Variants in GALNT2 observed in about 807,000 individuals in gnomAD.
The protein encoded by GALNT2 is polypeptide N-acetylgalactosaminyltransferase 2.
In GALNT2, 31 loss-of-function variants were observed where a neutral mutation model predicts 81.4. That is an observed-to-expected ratio of 0.38 (90% CI 0.29 to 0.51). GALNT2 has a LOEUF of 0.51. GALNT2 is among the 20% of genes least tolerant of loss of function. The pLI, the probability that GALNT2 is intolerant of heterozygous loss-of-function variation, is 0.87. For missense variants in GALNT2, 629 were observed against 765.7 expected, an observed-to-expected ratio of 0.82 and a Z score of 2.11; for synonymous variants, 303 against 287.4, an observed-to-expected ratio of 1.05 and a Z score of -0.55.
At chr1:230,278,465 C>G (rs1202436254) in intron 15 of GALNT2, among the ~76,000 whole-genome samples, 2 of 152,046 alleles carry the variant, frequency 1.3e-5, no homozygotes, top group Non-Finnish European at 2.9e-5. Flanking sequence ...CAGGGCTCCT[C>G]AGATTTCCTT....
At chr1:230,265,418 T>G (rs1032371950) in intron 14 of GALNT2, 51 bp downstream of exon 14, 2 of 1,611,070 alleles carry the variant, frequency 1.2e-6, no homozygotes, top group African/African-American at 1.3e-5. Context: ...AGAGCAGGAG[T>G]TGGGGGGGTC....
intron 3 of GALNT2, among the ~76,000 whole-genome samples, chr1:230,219,861 G>A (rs563655995): frequency 3.0e-4 from 45 of 152,182 alleles, no homozygotes; most frequent in Non-Finnish European, 6.0e-4. Flanking sequence ...CCTGCCATGG[G>A]ATTGCTGCCC....
intron 3 of GALNT2, among the ~76,000 whole-genome samples, chr1:230,207,090 T>C (rs1052424942): frequency 6.6e-6 from 1 of 152,046 alleles, no homozygotes; most frequent in Non-Finnish European, 1.5e-5. Context: ...AGTTATTGTA[T>C]CCAGGGTTGT....
chr1:230,224,547 C>G (rs1253694440), intron 3 of GALNT2, among the ~76,000 whole-genome samples: 1 of 152,176 alleles, frequency 6.6e-6, no homozygotes, highest in Non-Finnish European at 1.5e-5. Context: ...AAATGGTGCT[C>G]TTTGAATGAA....
intron 1 of GALNT2, among the ~76,000 whole-genome samples, chr1:230,081,086 C>T (rs1366570962): frequency 6.6e-6 from 1 of 152,174 alleles, no homozygotes; most frequent in African/African-American, 2.4e-5. Context: ...CTCGAAAGCG[C>T]CTCCAGCCTC....
At chr1:230,075,140 T>TTTTTTTTTTG (rs1399602658) in intron 1 of GALNT2, among the ~76,000 whole-genome samples, 18 of 145,338 alleles carry the variant, frequency 1.2e-4, no homozygotes, top group African/African-American at 4.7e-4. Context: ...TTTTTTTTTT[T>TTTTTTTTTTG]TTTGAGACAA....
Position 230,077,806 on chromosome 1 carries a change from C to A in GALNT2, c.126+10400C>A, listed in dbSNP as rs955281606. Among the ~76,000 whole-genome samples the A allele has an allele frequency of 7.9e-5, 12 of 152,328 alleles. No individual in the cohort carries two copies. In the South Asian group the frequency reaches 8.3e-4, roughly 11 times the overall value. On this transcript the variant is annotated intron_variant, in intron 1 of 15. Transcript: ENST00000366672. ...CATTGGTTCTGGACTTTGAAGACAG[C>A]TTGGCAATGAAGTCGAGGTAGCCAG...
chr1:230,211,110 A>G (rs970052186), intron 3 of GALNT2, among the ~76,000 whole-genome samples: 3 of 152,188 alleles, frequency 2.0e-5, no homozygotes, highest in African/African-American at 7.2e-5. Flanking sequence ...CTTTGTCCTT[A>G]TGTTGTACTT....
At chr1:230,278,780 T>G (rs564395288) in intron 15 of GALNT2, among the ~76,000 whole-genome samples, 1 of 152,296 alleles carries the variant, frequency 6.6e-6, no homozygotes, top group Admixed American at 6.5e-5. Context: ...TTCCTGACAT[T>G]TGGCCTGACA....
rs1020874730 is a variant in GALNT2 at position 230,182,044 on chromosome 1, C to T, written c.220+3733C>T. ...GGGAATAGAGTTGTTCATACTATTCCGTATTGTCCTTTTCATATCCATGGG... is the reference window on the plus strand; with the variant it reads ...GGGAATAGAGTTGTTCATACTATTCTGTATTGTCCTTTTCATATCCATGGG... On this transcript the variant is annotated intron_variant, in intron 2 of 15. Transcript: ENST00000366672. Among the ~76,000 whole-genome samples, 5 of 152,088 alleles carry T rather than the reference C, an allele frequency of 3.3e-5. No individual in the cohort carries two copies. The East Asian group carries it at 7.7e-4, about 23-fold the overall frequency.
At chr1:230,092,185 T>G (rs10664368) in intron 1 of GALNT2, among the ~76,000 whole-genome samples, 10 of 114,278 alleles carry the variant, frequency 8.8e-5, no homozygotes, top group South Asian at 6.0e-4. Flanking sequence ...AGTTTTTTTT[T>G]TTTTTTTTTT....
chr1:230,098,799 G>A (rs1227751437), intron 1 of GALNT2, among the ~76,000 whole-genome samples: 1 of 152,146 alleles, frequency 6.6e-6, no homozygotes, highest in Non-Finnish European at 1.5e-5. Flanking sequence ...AGAAGCCAAC[G>A]TGGCAGATTA....
At chr1:230,200,822 C>T (rs1024356129) in intron 2 of GALNT2, among the ~76,000 whole-genome samples, 1 of 152,170 alleles carries the variant, frequency 6.6e-6, no homozygotes, top group African/African-American at 2.4e-5. Context: ...TCTCTGGCTG[C>T]GCATGGGACT....
chr1:230,262,807 T>C, intron 12 of GALNT2, 115 bp from the exon 13 acceptor site: 1 of 1,295,550 alleles, frequency 7.7e-7, no homozygotes, highest in Non-Finnish European at 1.1e-6. Context: ...GCATGGGCAG[T>C]CCACACCACA....
intron 3 of GALNT2, among the ~76,000 whole-genome samples, chr1:230,219,726 C>T (rs558903765): frequency 6.6e-6 from 1 of 152,306 alleles, no homozygotes; most frequent in African/African-American, 2.4e-5. Context: ...GCATTCTTTG[C>T]AAAGTGCTTG....
chr1:230,171,409 G>A lies in GALNT2; in HGVS notation c.127-6809G>A, dbSNP rs575429914. 2.6e-5 allele frequency among the ~76,000 whole-genome samples: 4 copies of A among 152,334 alleles called. No homozygotes were observed. In the East Asian group the frequency reaches 7.7e-4, roughly 29 times the overall value. On this transcript the variant is annotated intron_variant, in intron 1 of 15. Transcript: ENST00000366672. ...TTTTCCCCAAAACTTGAGGGTTGCT[G>A]TGTGGATTGGCTGTAGTGGTAATTA... is the stretch of plus-strand genomic sequence containing the variant.
At chr1:230,255,170 G>T (rs762274387) in intron 10 of GALNT2, 48 bp from the exon 11 acceptor site, 3 of 1,613,678 alleles carry the variant, frequency 1.9e-6, no homozygotes, top group East Asian at 4.5e-5. Context: ...TGTTGCAGAG[G>T]TGCGTCCCAG....
chr1:230,276,835 C>T (rs1666318402), intron 15 of GALNT2, among the ~76,000 whole-genome samples: 1 of 152,222 alleles, frequency 6.6e-6, no homozygotes, highest in Non-Finnish European at 1.5e-5. Context: ...GAAATTGCCT[C>T]ACTCATTGGC....
intron 10 of GALNT2, among the ~76,000 whole-genome samples, chr1:230,254,970 C>G (rs546347883): frequency 2.6e-5 from 4 of 152,344 alleles, no homozygotes; most frequent in Admixed American, 2.6e-4. Flanking sequence ...AAATATTTCC[C>G]CGTGAACATT....
Sources: allele counts gnomAD v4.1 joint callset (sites outside exome capture counted in the v4.1 genomes callset), GRCh38; gene constraint gnomAD v4.1.1; transcripts MANE v1.5; gene names NCBI Gene and HGNC (gene_info 2026-07-23, HGNC 2026-07-21).